Variants in EEF1AKMT2 observed in about 807,000 individuals in gnomAD.
EEF1AKMT2 encodes the protein eukaryotic translation elongation factor 1 alpha lysine methyltransferase 2.
In EEF1AKMT2, 32 loss-of-function variants were observed where a neutral mutation model predicts 35.8. That is an observed-to-expected ratio of 0.89 (90% CI 0.67 to 1.20). The LOEUF is 1.20. EEF1AKMT2 is among the 50% of genes most tolerant of loss of function. The pLI is 0.00. For missense variants in EEF1AKMT2, 330 were observed against 347.5 expected (o/e 0.95, Z 0.40); for synonymous variants, 121 against 133.7 (o/e 0.91, Z 0.65).
Position 124,774,337 on chromosome 10 carries a change from A to G in EEF1AKMT2, c.399+338T>C, listed in dbSNP as rs1950467455. 2.5e-5 allele frequency among the ~76,000 whole-genome samples: 3 copies of G among 118,380 alleles called. No individual in the cohort carries two copies. In the South Asian group the frequency reaches 9.0e-4, roughly 35 times the overall value. The allele number at this position is 118,380 out of a possible 152,430, so 77.7% of individuals were successfully genotyped here. ...AGCCGAGATGGCGCCACCGCACTCC[A>G]GCCCTCCAGCCTGGGCAACTGAGCG... On this transcript the variant is annotated intron_variant, in intron 4 of 6. Coordinates refer to ENST00000368836, the MANE Select transcript of EEF1AKMT2 (RefSeq NM_212554.4).
chr10:124,774,791 A>G lies in EEF1AKMT2; in HGVS notation c.292-9T>C. ...GAGAAACCAAATTTTGCCTAGAGAG[A>G]AATAATTTTATACTTTAGTATAAAA... On this transcript the variant is annotated splice_polypyrimidine_tract_variant and intron_variant, in intron 3 of 6. Coordinates refer to ENST00000368836, the MANE Select transcript of EEF1AKMT2 (RefSeq NM_212554.4). 1 of 1,287,124 alleles carries G rather than the reference A, an allele frequency of 7.8e-7. No homozygotes were observed. Among genetic ancestry groups the G allele is most frequent in the Non-Finnish European group, 1.0e-6 (1 of 959,004 alleles). The allele number at this position is 1,287,124 out of a possible 1,614,324, so 79.7% of individuals were successfully genotyped here.
chr10:124,771,429 C>T (rs973081227), intron 4 of EEF1AKMT2, among the ~76,000 whole-genome samples: 1 of 151,954 alleles, frequency 6.6e-6, no homozygotes, highest in Non-Finnish European at 1.5e-5. Context: ...TCTACTTTGC[C>T]CAGATGCATC....
chr10:124,762,597 G>T, intron 5 of EEF1AKMT2, 39 bp from the exon 6 acceptor site: 2 of 1,051,112 alleles, frequency 1.9e-6, no homozygotes, highest in Non-Finnish European at 2.4e-6. Context: ...TTCAAAAACA[G>T]AAATAAAAAT....
intron 3 of EEF1AKMT2, among the ~76,000 whole-genome samples, chr10:124,782,628 A>G (rs1195238888): frequency 2.0e-5 from 3 of 148,194 alleles, no homozygotes; most frequent in African/African-American, 7.4e-5. Flanking sequence ...CCTGGACAAC[A>G]GGGCGAAACC....
intron 4 of EEF1AKMT2, among the ~76,000 whole-genome samples, chr10:124,771,793 T>C (rs1950439416): frequency 1.3e-5 from 2 of 152,012 alleles, no homozygotes; most frequent in African/African-American, 4.8e-5. Flanking sequence ...GGCATGAACC[T>C]GGGAGGCAGA....
rs191531954 is a variant in EEF1AKMT2 at position 124,786,765 on chromosome 10, G to A, written c.291+2278C>T. On this transcript the variant is annotated intron_variant, in intron 3 of 6. Coordinates refer to ENST00000368836, the MANE Select transcript of EEF1AKMT2 (RefSeq NM_212554.4). ...GCAGAGGCTGCAGTGAGCTGAGATC[G>A]CACCACTGCACTCTAGCCTGGGCTA... Among the ~76,000 whole-genome samples the A allele has an allele frequency of 6.6e-3, 996 of 151,698 alleles. 51 individuals carry two copies. The East Asian group carries it at 0.13, about 20-fold the overall frequency.
intron 3 of EEF1AKMT2, among the ~76,000 whole-genome samples, chr10:124,778,067 T>G (rs1034483572): frequency 6.6e-6 from 1 of 151,780 alleles, no homozygotes; most frequent in African/African-American, 2.4e-5. Flanking sequence ...GGCGGGTGCC[T>G]GTAATCCCAG....
At chr10:124,777,690 TTTTTTTG>T (rs948531967) in intron 3 of EEF1AKMT2, among the ~76,000 whole-genome samples, 4 of 151,872 alleles carry the variant, frequency 2.6e-5, no homozygotes, top group African/African-American at 9.7e-5. Context: ...TTAATTTTTG[TTTTTTTG>T]TTTTTTGTTT....
intron 5 of EEF1AKMT2, among the ~76,000 whole-genome samples, chr10:124,762,829 C>A (rs1288135480): frequency 6.6e-6 from 1 of 152,054 alleles, no homozygotes; most frequent in African/African-American, 2.4e-5. Context: ...TAGTTATACA[C>A]CCATATTTGT....
chr10:124,772,933 C>T (rs554585110), intron 4 of EEF1AKMT2, among the ~76,000 whole-genome samples: 129 of 152,332 alleles, frequency 8.5e-4, no homozygotes, highest in Non-Finnish European at 1.3e-3. Flanking sequence ...AGCAATAAGG[C>T]TGTTTGACTT....
chr10:124,765,552 G>A lies in EEF1AKMT2; in HGVS notation c.456C>T (p.Asp152=). The stretch of plus-strand genomic sequence containing the variant: ...GGCTTATGGCATCAAAAGTCCCTTT[G>A]TCAATACAAATATGAAATCCAGACA... ...TQLSGFHICI[D]KGTFDAISLN... Residue 152 remains aspartate (D), a synonymous_variant, in exon 5 of 7, where the codon GAC becomes GAT. Coordinates refer to ENST00000368836, the MANE Select transcript of EEF1AKMT2 (RefSeq NM_212554.4). 1.2e-6 allele frequency: 2 copies of A among 1,613,888 alleles called. No homozygotes were observed. Among genetic ancestry groups the A allele is most frequent in the Non-Finnish European group, 1.7e-6 (2 of 1,179,910 alleles).
At chr10:124,786,505 C>CAA (rs1374051961) in intron 3 of EEF1AKMT2, among the ~76,000 whole-genome samples, 3 of 113,342 alleles carry the variant, frequency 2.6e-5, no homozygotes, top group African/African-American at 6.6e-5. Flanking sequence ...GACTCCGTCT[C>CAA]AAAAAAAAAA....
At chr10:124,781,954 G>T (rs1249638657) in intron 3 of EEF1AKMT2, among the ~76,000 whole-genome samples, 1 of 152,040 alleles carries the variant, frequency 6.6e-6, no homozygotes, top group Admixed American at 6.6e-5. Context: ...ACATGATAAG[G>T]TTTTCACATT....
chr10:124,782,092 C>T (rs1950544611), intron 3 of EEF1AKMT2, among the ~76,000 whole-genome samples: 1 of 152,164 alleles, frequency 6.6e-6, no homozygotes, highest in Non-Finnish European at 1.5e-5. Flanking sequence ...ACCACTAAAA[C>T]AGCCATACGC....
chr10:124,760,888 G>A (rs932068794), intron 6 of EEF1AKMT2, among the ~76,000 whole-genome samples: 2 of 152,190 alleles, frequency 1.3e-5, no homozygotes, highest in Non-Finnish European at 2.9e-5. Flanking sequence ...TTTGCTTTTT[G>A]AGACGGAGTC....
intron 3 of EEF1AKMT2, among the ~76,000 whole-genome samples, chr10:124,779,616 C>T (rs1950519612): frequency 6.7e-6 from 1 of 149,426 alleles, no homozygotes; most frequent in Non-Finnish European, 1.5e-5. Context: ...GACGTGGTGG[C>T]GGGTGCCAGT....
chr10:124,756,455 G>T (rs1950287776), downstream of EEF1AKMT2, among the ~76,000 whole-genome samples: 1 of 152,120 alleles, frequency 6.6e-6, no homozygotes, highest in Non-Finnish European at 1.5e-5. Flanking sequence ...TCATGTCTTA[G>T]GAATTATTCC....
chr10:124,764,116 C>G (rs2134120723), intron 5 of EEF1AKMT2, among the ~76,000 whole-genome samples: 1 of 152,108 alleles, frequency 6.6e-6, no homozygotes, highest in Non-Finnish European at 1.5e-5. Context: ...AGAAAACAAA[C>G]TCTAAAATAA....
At chr10:124,784,307 A>C (rs549167553) in intron 3 of EEF1AKMT2, among the ~76,000 whole-genome samples, 10 of 152,290 alleles carry the variant, frequency 6.6e-5, no homozygotes, top group African/African-American at 2.4e-4. Flanking sequence ...AATCCCAAAA[A>C]CATGGAAATT....
Sources: gnomAD v4.1 joint callset for allele counts (sites outside exome capture counted in the v4.1 genomes callset) on GRCh38, gnomAD v4.1.1 for gene constraint, MANE v1.5 for transcripts, NCBI Gene and HGNC (gene_info 2026-07-23, HGNC 2026-07-21) for gene names.